The following TTC23 variants were observed in gnomAD, a reference collection of about 807,000 sequenced individuals.
The protein encoded by TTC23 is tetratricopeptide repeat domain 23.
Under a neutral mutation model 55.1 loss-of-function variants are expected in TTC23, and 58 were observed. The ratio of observed to expected loss-of-function variants is 1.05; its 90% CI spans 0.85 to 1.31. The LOEUF is 1.31. Among genes scored for constraint, TTC23 ranks in the 50% most tolerant of loss-of-function variants. TTC23 has a pLI of 0.00. For synonymous variants in TTC23, 203 were observed against 199.9 expected (o/e 1.02, Z -0.13); for missense variants, 516 against 534.4 (o/e 0.97, Z 0.34).
rs2080549491 is a variant in TTC23 at position 99,249,572 on chromosome 15, C to G, written c.-832G>C. The G allele has an allele frequency of 1.3e-5, 2 of 152,134 alleles. No individual in the cohort carries two copies. The highest frequency in any genetic ancestry group is 4.1e-4 in the South Asian group (2 of 4,822). 9.4% of individuals were successfully genotyped at this position (152,134 alleles called of 1,614,324 possible). Reference sequence around the variant, plus strand: ...GAGCAGCCTTTTCCCATAAAGCAAGCGGGTACCTCACAAAACTCCAGGCAA... The same window carrying G: ...GAGCAGCCTTTTCCCATAAAGCAAGGGGGTACCTCACAAAACTCCAGGCAA... On this transcript the variant is annotated 5_prime_UTR_variant, in exon 1 of 14. Coordinates refer to ENST00000394132, the MANE Select transcript of TTC23 (RefSeq NM_001288615.3).
chr15:99,246,677 T>C (rs557591807), intron 1 of TTC23, among the ~76,000 whole-genome samples: 1 of 151,986 alleles, frequency 6.6e-6, no homozygotes, highest in Non-Finnish European at 1.5e-5. Context: ...TCCCAGCACT[T>C]TGGGAGGCCA....
chr15:99,166,069 C>T (rs116754455), intron 10 of TTC23, among the ~76,000 whole-genome samples: 181 of 152,300 alleles, frequency 1.2e-3, no homozygotes, highest in African/African-American at 3.4e-3. Context: ...ATGTATAAGG[C>T]ATGGGGCAAT....
At chr15:99,189,446 T>C (rs539353697) in intron 9 of TTC23, among the ~76,000 whole-genome samples, 3 of 152,300 alleles carry the variant, frequency 2.0e-5, no homozygotes, top group African/African-American at 7.2e-5. Context: ...AAAATGTGTC[T>C]TTAAAGATGC....
chr15:99,236,730 T>C (rs1297488028), intron 3 of TTC23, among the ~76,000 whole-genome samples: 1 of 152,174 alleles, frequency 6.6e-6, no homozygotes, highest in Non-Finnish European at 1.5e-5. Flanking sequence ...TAGTTATTGT[T>C]GATCTGTAGG....
intron 8 of TTC23, among the ~76,000 whole-genome samples, chr15:99,203,858 A>T (rs1014095959): frequency 1.2e-4 from 19 of 152,218 alleles, no homozygotes; most frequent in Non-Finnish European, 2.6e-4. Flanking sequence ...ATATTCCATT[A>T]TGTATATCTA....
rs1336940566 is a variant in TTC23 at position 99,228,571 on chromosome 15, A to G, written c.142T>C (p.Cys48Arg). Reference sequence around the variant, plus strand: ...GAATAGGACTTTGCTTTCTCTTCACAGAGGTGGAGTTTCTCTCGAGGAGGC... The same window carrying G: ...GAATAGGACTTTGCTTTCTCTTCACGGAGGTGGAGTTTCTCTCGAGGAGGC... ...FQPPREKLHLCEEKAKSYSNS... is the reference protein window; with the variant it reads ...FQPPREKLHLREEKAKSYSNS... Residue 48 changes from cysteine to arginine, a missense_variant, in exon 5 of 14, where the codon TGT becomes CGT. Cys to Arg is a radical substitution (Grantham distance 180). Transcript: ENST00000394132. 1 of 1,613,470 alleles carries G rather than the reference A, an allele frequency of 6.2e-7. No homozygotes were observed. Among genetic ancestry groups the G allele is most frequent in the East Asian group, 2.2e-5 (1 of 44,866 alleles).
chr15:99,182,240 TCTCTCTCTCA>T (rs1404300805), intron 9 of TTC23, among the ~76,000 whole-genome samples: 108 of 113,128 alleles, frequency 9.5e-4, no homozygotes, highest in Middle Eastern at 4.1e-3. Flanking sequence ...TCTCTCTCTC[TCTCTCTCTCA>T]CACACACACA....
intron 12 of TTC23, among the ~76,000 whole-genome samples, chr15:99,142,452 C>T (rs2068345354): frequency 6.6e-6 from 1 of 152,176 alleles, no homozygotes. Context: ...TTTATGAGTG[C>T]CTCTGATGCA....
In TTC23 at chr15:99,200,284, G is replaced by T. The variant is rs28517698; in HGVS notation, c.582-188C>A. Among the ~76,000 whole-genome samples, 8 of 151,958 alleles carry T rather than the reference G, an allele frequency of 5.3e-5. No homozygotes were observed. The South Asian group carries it at 1.2e-3, about 24-fold the overall frequency. ...AAGAAGATGGGTTCTGGAATCACCA[G>T]GAAGGTTCAAGTCCTGGCTTCACCA... On this transcript the variant is annotated intron_variant, in intron 8 of 13. Transcript: ENST00000394132.
intron 4 of TTC23, among the ~76,000 whole-genome samples, chr15:99,233,740 G>T (rs990569587): frequency 2.6e-5 from 4 of 152,048 alleles, no homozygotes; most frequent in Non-Finnish European, 5.9e-5. Context: ...TAATCTAAAT[G>T]TGAAATTTAG....
intron 10 of TTC23, among the ~76,000 whole-genome samples, chr15:99,165,152 C>G (rs987710287): frequency 6.6e-6 from 1 of 152,140 alleles, no homozygotes; most frequent in Non-Finnish European, 1.5e-5. Flanking sequence ...CCATACTAGG[C>G]TGAAATAGCA....
chr15:99,190,268 T>G (rs2075125643), intron 9 of TTC23, among the ~76,000 whole-genome samples: 1 of 150,914 alleles, frequency 6.6e-6, no homozygotes, highest in Non-Finnish European at 1.5e-5. Context: ...TTTTTTTTTT[T>G]TGTTTGTTTT....
chr15:99,188,613 C>T (rs1296383490), intron 9 of TTC23, among the ~76,000 whole-genome samples: 1 of 151,802 alleles, frequency 6.6e-6, no homozygotes, highest in Non-Finnish European at 1.5e-5. Context: ...AAAACTGGAC[C>T]AAAGCTTCAT....
At position 99,231,111 on chromosome 15, in the gene TTC23, T is replaced by A. The variant is rs540716115; in HGVS notation, c.-20-2379A>T. Among the ~76,000 whole-genome samples the A allele has an allele frequency of 2.6e-5, 4 of 152,366 alleles. No individual in the cohort carries two copies. The South Asian group carries it at 8.3e-4, about 32-fold the overall frequency. ...AATGCATTGACTCATGTGTTGGTGG[T>A]AATGCTGGTGCAAACAAACCTATTG... On this transcript the variant is annotated intron_variant, in intron 4 of 13. Transcript: ENST00000394132.
chr15:99,189,908 G>A (rs1193945364), intron 9 of TTC23, among the ~76,000 whole-genome samples: 1 of 152,172 alleles, frequency 6.6e-6, no homozygotes, highest in African/African-American at 2.4e-5. Flanking sequence ...CAGGAGTAGT[G>A]ATTCATGCCT....
intron 4 of TTC23, among the ~76,000 whole-genome samples, chr15:99,230,205 A>G (rs12913590): frequency 0.21 from 31,719 of 152,110 alleles, 3,489 homozygotes; most frequent in East Asian, 0.37. Context: ...AGAAATAAAA[A>G]AGACCCAAAT....
chr15:99,246,640 G>A (rs750692705), intron 1 of TTC23, among the ~76,000 whole-genome samples: 1 of 151,804 alleles, frequency 6.6e-6, no homozygotes. Context: ...TATTAACATG[G>A]GCTGGCGCGA....
chr15:99,228,970 A>C (rs1057071999), intron 4 of TTC23, among the ~76,000 whole-genome samples: 1 of 98,840 alleles, frequency 1.0e-5, no homozygotes, highest in African/African-American at 3.6e-5. Flanking sequence ...ACATACATAC[A>C]CATGTATATA....
intron 4 of TTC23, among the ~76,000 whole-genome samples, chr15:99,234,071 A>C (rs1483381933): frequency 3.3e-5 from 5 of 152,204 alleles, no homozygotes; most frequent in Admixed American, 3.3e-4. Flanking sequence ...TAAAACTTAA[A>C]ACTATAAAAA....
Sources: gnomAD v4.1 joint callset for allele counts (sites outside exome capture counted in the v4.1 genomes callset) on GRCh38, gnomAD v4.1.1 for gene constraint, MANE v1.5 for transcripts, NCBI Gene and HGNC (gene_info 2026-07-23, HGNC 2026-07-21) for gene names.